Variants in SOCS6 observed in about 807,000 individuals in gnomAD.
SOCS6 encodes the protein STAT induced STAT inhibitor-4.
SOCS6 carries 5 observed loss-of-function variants against 27.7 expected under a neutral mutation model. That is an observed-to-expected ratio of 0.18 (90% CI 0.09 to 0.38). The LOEUF is 0.38. Among genes scored for constraint, SOCS6 ranks in the 10% least tolerant of loss-of-function variants. The probability of loss-of-function intolerance (pLI) is 1.00; values close to 1 mark genes in which losing one functional copy is unlikely to be tolerated. For synonymous variants in SOCS6, 271 were observed against 260.0 expected (o/e 1.04, Z -0.41); for missense variants, 595 against 688.1 (o/e 0.86, Z 1.51).
chr18:70,290,211 A>T (rs1184295142), intron 1 of SOCS6, among the ~76,000 whole-genome samples: 1 of 152,224 alleles, frequency 6.6e-6, no homozygotes, highest in Non-Finnish European at 1.5e-5. Flanking sequence ...AGACATTTTA[A>T]ATTTACTGTG....
chr18:70,313,065 C>T (rs1381785353), intron 1 of SOCS6, among the ~76,000 whole-genome samples: 1 of 152,164 alleles, frequency 6.6e-6, no homozygotes, highest in African/African-American at 2.4e-5. Context: ...CAGGCGTGAG[C>T]CACCACACCG....
At chr18:70,317,968 C>A (rs942183162) in intron 1 of SOCS6, among the ~76,000 whole-genome samples, 1 of 152,292 alleles carries the variant, frequency 6.6e-6, no homozygotes, top group Admixed American at 6.5e-5. Flanking sequence ...GTCCTCCCAC[C>A]TTAGCCTCCT....
chr18:70,292,520 T>G (rs1193601458), intron 1 of SOCS6, among the ~76,000 whole-genome samples: 1 of 152,200 alleles, frequency 6.6e-6, no homozygotes, highest in African/African-American at 2.4e-5. Flanking sequence ...CTGATTTTTT[T>G]TAATTTTTGG....
chr18:70,319,071 A>G (rs1277768348), intron 1 of SOCS6, among the ~76,000 whole-genome samples: 1 of 151,856 alleles, frequency 6.6e-6, no homozygotes, highest in Non-Finnish European at 1.5e-5. Flanking sequence ...ATCTTACCAT[A>G]TTTCATGTTG....
chr18:70,315,003 T>A (rs898738804), intron 1 of SOCS6, among the ~76,000 whole-genome samples: 2 of 152,068 alleles, frequency 1.3e-5, no homozygotes, highest in African/African-American at 4.8e-5. Flanking sequence ...TGATCTAAGG[T>A]AATATATATT....
Position 70,296,906 on chromosome 18 carries a change from C to CTTTTTTTTTTT in SOCS6, c.-127+7818_-127+7828dup, listed in dbSNP as rs375704179. On this transcript the variant is annotated intron_variant, in intron 1 of 1. Coordinates refer to ENST00000397942, the MANE Select transcript of SOCS6 (RefSeq NM_004232.4). ...TCCCTTTCATTTTCTCATTTTCTTTCTTTTTTTTTTTTCTGTCTTAAGCTC... is the reference window on the plus strand; with the variant it reads ...TCCCTTTCATTTTCTCATTTTCTTTCTTTTTTTTTTTTTTTTTTTTTTTCTGTCTTAAGCTC... Among the ~76,000 whole-genome samples, 124 of 129,100 alleles carry CTTTTTTTTTTT rather than the reference C, an allele frequency of 9.6e-4. 1 individual carries two copies. Among genetic ancestry groups the CTTTTTTTTTTT allele is most frequent in the Non-Finnish European group, 1.7e-3 (107 of 63,492 alleles). The allele number at this position is 129,100 out of a possible 152,430, so 84.7% of individuals were successfully genotyped here.
At position 70,325,223 on chromosome 18, in the gene SOCS6, G is replaced by A. The variant is rs775340379; in HGVS notation, c.555G>A (p.Gln185=). 13 of 1,614,034 alleles carry A rather than the reference G, an allele frequency of 8.1e-6. No individual in the cohort carries two copies. In the Admixed American group the frequency reaches 2.0e-4, roughly 25 times the overall value. The change falls in exon 2 of 2, where the codon CAG becomes CAA. Residue 185 remains glutamine (Q), a synonymous_variant. Transcript: ENST00000397942. This position sits in a 1 kb window ranked among gnomAD's most constrained non-coding sequence, Gnocchi z 6.3. The part of the protein sequence containing the change: ...FHDLQSETTC[Q]EQANSLKSSA... ...ACCTCCAGTCTGAGACCACGTGCCA[G>A]GAGCAAGCCAATTCACTGAAGAGCT...
At chr18:70,304,899 T>C (rs1434923227) in intron 1 of SOCS6, among the ~76,000 whole-genome samples, 3 of 152,240 alleles carry the variant, frequency 2.0e-5, no homozygotes, top group Non-Finnish European at 4.4e-5. Context: ...TCACAAAGTT[T>C]TTTTAAAGAA....
At chr18:70,298,659 T>A (rs1371214973) in intron 1 of SOCS6, among the ~76,000 whole-genome samples, 2 of 152,216 alleles carry the variant, frequency 1.3e-5, no homozygotes, top group East Asian at 3.9e-4. Flanking sequence ...ATTATCAATG[T>A]TGCCCAGGTC....
chr18:70,292,614 T>C (rs1446914018), intron 1 of SOCS6, among the ~76,000 whole-genome samples: 1 of 152,156 alleles, frequency 6.6e-6, no homozygotes, highest in Non-Finnish European at 1.5e-5. Context: ...TCCCAAAGTG[T>C]TGGGATTGCA....
Position 70,299,659 on chromosome 18 carries a change from G to A in SOCS6, c.-127+10569G>A, listed in dbSNP as rs149292133. On this transcript the variant is annotated intron_variant, in intron 1 of 1. Coordinates refer to ENST00000397942, the MANE Select transcript of SOCS6 (RefSeq NM_004232.4). ...TAGGAGGGCCGCTTTTAATCACAGC[G>A]TTAGCATTAACAGTTGTGATTGAAA... is the stretch of plus-strand genomic sequence containing the variant. Among the ~76,000 whole-genome samples the A allele has an allele frequency of 2.9e-3, 449 of 152,218 alleles. 2 individuals carry two copies. The highest frequency in any genetic ancestry group is 0.01 in the African/African-American group (425 of 41,532).
At chr18:70,290,607 C>T (rs559244025) in intron 1 of SOCS6, among the ~76,000 whole-genome samples, 1 of 152,132 alleles carries the variant, frequency 6.6e-6, no homozygotes, top group Non-Finnish European at 1.5e-5. Context: ...GTTCAAACAC[C>T]CTCCCTAAGC....
At chr18:70,298,042 A>G (rs112667075) in intron 1 of SOCS6, among the ~76,000 whole-genome samples, 1 of 152,234 alleles carries the variant, frequency 6.6e-6, no homozygotes, top group African/African-American at 2.4e-5. Context: ...GAGAGCAGTC[A>G]TAACAGTTGT....
intron 1 of SOCS6, among the ~76,000 whole-genome samples, chr18:70,293,147 G>A (rs1171954540): frequency 6.6e-6 from 1 of 152,090 alleles, no homozygotes; most frequent in Non-Finnish European, 1.5e-5. Context: ...GAGTAGGAGG[G>A]GTGTGGGTAT....
intron 1 of SOCS6, among the ~76,000 whole-genome samples, chr18:70,293,828 C>T (rs1429333935): frequency 1.3e-5 from 2 of 152,020 alleles, no homozygotes; most frequent in African/African-American, 2.4e-5. Flanking sequence ...CGCGGTGGCT[C>T]GCGCCTGTAA....
At chr18:70,308,135 A>T (rs1360646943) in intron 1 of SOCS6, among the ~76,000 whole-genome samples, 1 of 152,084 alleles carries the variant, frequency 6.6e-6, no homozygotes, top group Non-Finnish European at 1.5e-5. Flanking sequence ...TTCCAGATTT[A>T]TTTCTGTTGT....
intron 1 of SOCS6, chr18:70,296,815 T>C (rs563928087): frequency 6.6e-6 from 1 of 152,294 alleles, no homozygotes; most frequent in South Asian, 2.1e-4. Context: ...TCCACAGAGC[T>C]TTTCAGTCTA....
intron 1 of SOCS6, among the ~76,000 whole-genome samples, chr18:70,317,727 GAAATGGTAGAGCTACT>G (rs1220555926): frequency 6.6e-6 from 1 of 151,744 alleles, no homozygotes; most frequent in Non-Finnish European, 1.5e-5. Context: ...ATTGCTGGAT[GAAATGGTAGAGCTACT>G]TTTAGTTCTT....
chr18:70,324,917 A>G lies in SOCS6; in HGVS notation c.249A>G (p.Ala83=). The part of the protein sequence containing the change: ...LMGTLKRRLS[A]KQKSKGKAGT... ...GTACGCTAAAAAGGCGGCTTTCTGC[A>G]AAACAGAAGTCAAAAGGCAAGGCGG... is the stretch of plus-strand genomic sequence containing the variant. Residue 83 remains alanine (A), a synonymous_variant, in exon 2 of 2, where the codon GCA becomes GCG. Transcript: ENST00000397942. 1.9e-6 allele frequency: 3 copies of G among 1,614,214 alleles called. No homozygotes were observed. The highest frequency in any genetic ancestry group is 1.1e-5 in the South Asian group (1 of 91,082).
Sources: allele counts gnomAD v4.1 joint callset (sites outside exome capture counted in the v4.1 genomes callset), GRCh38; gene constraint gnomAD v4.1.1; non-coding constraint Gnocchi (gnomAD v3.1); transcripts MANE v1.5; gene names NCBI Gene and HGNC (gene_info 2026-07-23, HGNC 2026-07-21).